DPP6: variants seen among roughly 807,000 people sequenced by gnomAD.
The protein encoded by DPP6 is A-type potassium channel modulatory protein DPP6.
In DPP6, 69 loss-of-function variants were observed where a neutral mutation model predicts 122.6. The observed-to-expected ratio is 0.56, with a 90% CI of 0.46 to 0.69. The LOEUF is 0.69. Among genes scored for constraint, DPP6 ranks in the 30% least tolerant of loss-of-function variants. DPP6 has a pLI of 0.00. For synonymous variants in DPP6, 418 were observed against 433.1 expected (o/e 0.97, Z 0.43); for missense variants, 928 against 1,116.9 (o/e 0.83, Z 2.41).
intron 1 of DPP6, among the ~76,000 whole-genome samples, chr7:154,140,665 C>T (rs3115133): frequency 6.6e-6 from 1 of 152,006 alleles, no homozygotes; most frequent in Admixed American, 6.6e-5. Flanking sequence ...ATTATAGAGC[C>T]AGTCTATACA....
At chr7:153,882,038 C>T in the DPP6 span, among the ~76,000 whole-genome samples, 1 of 152,180 alleles carries the variant, frequency 6.6e-6, no homozygotes, top group Non-Finnish European at 1.5e-5. Context: ...CACATGTCAT[C>T]AAGCTTGGCA....
chr7:153,970,728 A>G (rs1466767162), intron 1 of DPP6, among the ~76,000 whole-genome samples: 1 of 152,166 alleles, frequency 6.6e-6, no homozygotes. Context: ...CAGTTTGTTC[A>G]TGTTATGTTG....
At chr7:153,813,808 G>T in the DPP6 span, among the ~76,000 whole-genome samples, 22 of 151,772 alleles carry the variant, frequency 1.4e-4, no homozygotes, top group Non-Finnish European at 2.5e-4. Flanking sequence ...GTGTTTTTTG[G>T]CTGCATAAAT....
At chr7:154,097,900 G>A (rs531916106) in intron 1 of DPP6, among the ~76,000 whole-genome samples, 175 of 152,336 alleles carry the variant, frequency 1.1e-3, no homozygotes, top group African/African-American at 4.1e-3. Context: ...AGTGGTGGGA[G>A]GGAGGTTGGT....
intron 16 of DPP6, among the ~76,000 whole-genome samples, chr7:154,822,927 A>C (rs771566371): frequency 6.6e-6 from 1 of 152,182 alleles, no homozygotes; most frequent in Non-Finnish European, 1.5e-5. Context: ...TGATCCTGAC[A>C]TCTAGTGCAA....
intron 1 of DPP6, among the ~76,000 whole-genome samples, chr7:154,349,015 C>T (rs1810623164): frequency 6.6e-6 from 1 of 152,196 alleles, no homozygotes; most frequent in Admixed American, 6.5e-5. Flanking sequence ...AAAACTATAT[C>T]TCATTAATAC....
chr7:154,611,414 C>G (rs922451995), intron 5 of DPP6, among the ~76,000 whole-genome samples: 4 of 152,006 alleles, frequency 2.6e-5, no homozygotes, highest in South Asian at 4.1e-4. Flanking sequence ...TTGTGGGATG[C>G]CAAAAAAGCC....
intron 8 of DPP6, among the ~76,000 whole-genome samples, chr7:154,765,975 A>G (rs894364152): frequency 2.0e-5 from 3 of 152,208 alleles, no homozygotes; most frequent in Non-Finnish European, 4.4e-5. Context: ...AAATGTTTGC[A>G]GAATAGGGAC....
At chr7:154,857,986 G>A (rs185411303) in intron 17 of DPP6, among the ~76,000 whole-genome samples, 177 of 152,242 alleles carry the variant, frequency 1.2e-3, no homozygotes, top group African/African-American at 4.0e-3. Context: ...GCCAGCTAGC[G>A]GTTCTGCATC....
intron 3 of DPP6, among the ~76,000 whole-genome samples, chr7:154,501,226 C>T (rs898493780): frequency 6.7e-6 from 1 of 149,770 alleles, no homozygotes; most frequent in African/African-American, 2.5e-5. Flanking sequence ...AAAGTTTGGA[C>T]AATTTGCAGT....
At chr7:154,521,482 A>G (rs376991140) in intron 3 of DPP6, among the ~76,000 whole-genome samples, 4 of 152,298 alleles carry the variant, frequency 2.6e-5, no homozygotes, top group Admixed American at 1.3e-4. Flanking sequence ...AAGTCTAAAC[A>G]GGACTCTGTT....
chr7:154,542,234 G>T (rs576666195), intron 4 of DPP6, among the ~76,000 whole-genome samples: 1 of 152,166 alleles, frequency 6.6e-6, no homozygotes, highest in African/African-American at 2.4e-5. Context: ...AAATGAATGT[G>T]CCTGCATTTT....
At chr7:154,824,348 C>A (rs1441685019) in intron 16 of DPP6, among the ~76,000 whole-genome samples, 1 of 152,216 alleles carries the variant, frequency 6.6e-6, no homozygotes, top group South Asian at 2.1e-4. Context: ...GGCGAGACCT[C>A]GGCTCACTGC....
At chr7:154,291,672 G>T (rs1805220539) in intron 1 of DPP6, among the ~76,000 whole-genome samples, 1 of 152,170 alleles carries the variant, frequency 6.6e-6, no homozygotes, top group East Asian at 1.9e-4. Context: ...AAATAAGATT[G>T]ACCTGACTCA....
intron 18 of DPP6, among the ~76,000 whole-genome samples, chr7:154,870,146 CTTTTT>C (rs61457825): frequency 1.6e-5 from 2 of 121,728 alleles, no homozygotes; most frequent in African/African-American, 3.2e-5. Flanking sequence ...CCAACTAATT[CTTTTT>C]TTTTTTTTTT....
intron 1 of DPP6, among the ~76,000 whole-genome samples, chr7:154,374,495 A>G (rs899087468): frequency 3.9e-5 from 6 of 151,980 alleles, no homozygotes; most frequent in African/African-American, 9.7e-5. Flanking sequence ...GCATTCCCCG[A>G]TGGCAACCGT....
At chr7:154,230,266 T>C (rs1012427917) in intron 1 of DPP6, among the ~76,000 whole-genome samples, 13 of 152,128 alleles carry the variant, frequency 8.5e-5, no homozygotes, top group African/African-American at 3.1e-4. Flanking sequence ...CCACTCTTAA[T>C]AGGAAGTAGG....
chr7:154,802,716 A>G (rs914374322), intron 13 of DPP6, among the ~76,000 whole-genome samples: 1 of 152,090 alleles, frequency 6.6e-6, no homozygotes, highest in African/African-American at 2.4e-5. Flanking sequence ...ACCTGCCTGT[A>G]GTCCCAGCTA....
intron 1 of DPP6, among the ~76,000 whole-genome samples, chr7:154,428,909 TAAG>T (rs1818128357): frequency 6.6e-6 from 1 of 152,116 alleles, no homozygotes; most frequent in Non-Finnish European, 1.5e-5. Flanking sequence ...CGTACAGTGT[TAAG>T]ATGATGGGTG....
Sources: allele counts gnomAD v4.1 joint callset (sites outside exome capture counted in the v4.1 genomes callset), GRCh38; gene constraint gnomAD v4.1.1; transcripts MANE v1.5; gene names NCBI Gene and HGNC (gene_info 2026-07-23, HGNC 2026-07-21).